Variants in ATP8A2 observed in about 807,000 individuals in gnomAD.
ATP8A2 encodes the protein phospholipid-transporting ATPase IB.
In ATP8A2, 100 loss-of-function variants were observed where a neutral mutation model predicts 165.6. The ratio of observed to expected loss-of-function variants is 0.60; its 90% CI spans 0.51 to 0.71. ATP8A2 has a LOEUF of 0.71. ATP8A2 is among the 30% of genes least tolerant of loss of function. ATP8A2 has a pLI of 0.00. For synonymous variants in ATP8A2, 543 were observed against 548.8 expected (o/e 0.99, Z 0.15); for missense variants, 1,227 against 1,479.5 (o/e 0.83, Z 2.80).
At chr13:25,802,229 A>G (rs1950636810) in intron 27 of ATP8A2, among the ~76,000 whole-genome samples, 1 of 152,202 alleles carries the variant, frequency 6.6e-6, no homozygotes, top group African/African-American at 2.4e-5. Flanking sequence ...AAATATGAAC[A>G]ATGAGTAATG....
At chr13:25,945,268 C>T (rs1163164539) in intron 33 of ATP8A2, among the ~76,000 whole-genome samples, 1 of 148,364 alleles carries the variant, frequency 6.7e-6, no homozygotes, top group Non-Finnish European at 1.5e-5. Context: ...GCACCTCATT[C>T]TGTCAAATGC....
chr13:25,886,178 T>TTG (rs1953146882), intron 33 of ATP8A2, among the ~76,000 whole-genome samples: 1 of 152,204 alleles, frequency 6.6e-6, no homozygotes, highest in Non-Finnish European at 1.5e-5. Flanking sequence ...GTATATATAT[T>TTG]TATGTATCTG....
intron 24 of ATP8A2, among the ~76,000 whole-genome samples, chr13:25,613,744 T>G (rs887089070): frequency 1.3e-5 from 2 of 152,228 alleles, no homozygotes; most frequent in Non-Finnish European, 2.9e-5. Context: ...TTGTCTTGTT[T>G]AAGGAGCTAA....
Position 25,531,449 on chromosome 13 carries a change from ATATATGAT to A in ATP8A2, c.420+795_420+802del, listed in dbSNP as rs1365454256. ...TATATATGATTATATATATGATTATATATATGATTATATATATGTTATATATATATGTT... is the reference window on the plus strand; with the variant it reads ...TATATATGATTATATATATGATTATATATATATATGTTATATATATATGTT... On this transcript the variant is annotated intron_variant, in intron 4 of 36. Coordinates refer to ENST00000381655, the MANE Select transcript of ATP8A2 (RefSeq NM_016529.6). Among the ~76,000 whole-genome samples, 86 of 32,876 alleles carry A rather than the reference ATATATGAT, an allele frequency of 2.6e-3. 1 individual carries two copies. The highest frequency in any genetic ancestry group is 9.5e-3 in the African/African-American group (63 of 6,634). 21.6% of individuals were successfully genotyped at this position (32,876 alleles called of 152,430 possible). A position where few individuals can be genotyped will look rare whatever the true frequency, so the allele number is the denominator to read the frequency against.
At chr13:25,512,991 G>T (rs1213634734) in intron 2 of ATP8A2, among the ~76,000 whole-genome samples, 19 of 131,318 alleles carry the variant, frequency 1.4e-4, no homozygotes, top group Non-Finnish European at 2.2e-4. Flanking sequence ...CGGACGGGGT[G>T]GCTGGCCGGG....
intron 27 of ATP8A2, among the ~76,000 whole-genome samples, chr13:25,794,117 C>G (rs1950448506): frequency 6.6e-6 from 1 of 152,178 alleles, no homozygotes; most frequent in African/African-American, 2.4e-5. Context: ...CAGAGGCTCT[C>G]AAGGAGTTTG....
chr13:25,547,880 C>T (rs1431155649), intron 10 of ATP8A2, among the ~76,000 whole-genome samples: 3 of 152,126 alleles, frequency 2.0e-5, no homozygotes, highest in Non-Finnish European at 4.4e-5. Context: ...CTGGGTTCTT[C>T]AAGAATTTTA....
chr13:25,788,947 C>CT (rs1593348303), intron 27 of ATP8A2, among the ~76,000 whole-genome samples: 1 of 152,158 alleles, frequency 6.6e-6, no homozygotes. Flanking sequence ...AGATGCTTTG[C>CT]TTGAGTTACA....
intron 18 of ATP8A2, among the ~76,000 whole-genome samples, chr13:25,573,588 A>G (rs1351322325): frequency 6.6e-6 from 1 of 152,228 alleles, no homozygotes; most frequent in African/African-American, 2.4e-5. Context: ...AAATTCCTAC[A>G]TATTTACATG....
intron 24 of ATP8A2, among the ~76,000 whole-genome samples, chr13:25,594,254 A>G (rs1454013018): frequency 6.6e-6 from 1 of 152,204 alleles, no homozygotes; most frequent in East Asian, 1.9e-4. Context: ...TGAATGATAA[A>G]TGTCTTTGAT....
intron 33 of ATP8A2, among the ~76,000 whole-genome samples, chr13:25,889,541 G>C (rs957074878): frequency 2.6e-5 from 4 of 151,744 alleles, no homozygotes; most frequent in African/African-American, 9.7e-5. Context: ...ATTATCTGAG[G>C]CTTGGTATAG....
At chr13:25,749,747 T>C (rs552851859) in intron 25 of ATP8A2, among the ~76,000 whole-genome samples, 1 of 152,328 alleles carries the variant, frequency 6.6e-6, no homozygotes, top group South Asian at 2.1e-4. Context: ...CGATTTTCTT[T>C]AAAACTGGAA....
rs71080217 is a variant in ATP8A2 at position 26,025,116 on chromosome 13, C to CAAAAAAA, written c.*5146_*5152dup. 72 of 94,510 alleles carry CAAAAAAA rather than the reference C, an allele frequency of 7.6e-4. No individual in the cohort carries two copies. The highest frequency in any genetic ancestry group is 9.7e-4 in the Non-Finnish European group (47 of 48,232). 5.9% of individuals were successfully genotyped at this position (94,510 alleles called of 1,614,324 possible). A position where few individuals can be genotyped will look rare whatever the true frequency, so the allele number is the denominator to read the frequency against. On this transcript the variant is annotated 3_prime_UTR_variant, in exon 37 of 37. Transcript: ENST00000381655. ...GTGAATCAATAAACACCAACAACAACAAAAAAAAAAAAAAAAAAAAAGGAA... is the reference window on the plus strand; with the variant it reads ...GTGAATCAATAAACACCAACAACAACAAAAAAAAAAAAAAAAAAAAAAAAAAAAGGAA...
At chr13:25,724,439 T>C (rs2043450568) in intron 25 of ATP8A2, among the ~76,000 whole-genome samples, 1 of 152,182 alleles carries the variant, frequency 6.6e-6, no homozygotes, top group South Asian at 2.1e-4. Flanking sequence ...TTCCCAATGT[T>C]GAATTGTGAA....
rs545695788 is a variant in ATP8A2 at position 25,812,937 on chromosome 13, G to A, written c.2680-15181G>A. 1.2e-3 allele frequency among the ~76,000 whole-genome samples: 188 copies of A among 152,246 alleles called. 4 individuals carry two copies. In the South Asian group the frequency reaches 0.031, roughly 25 times the overall value. ...AGATCATGTCCTTTGCAGGGACATGGATGGAACTGGAAGCCATTACCCTCA... is the reference window on the plus strand; with the variant it reads ...AGATCATGTCCTTTGCAGGGACATGAATGGAACTGGAAGCCATTACCCTCA... On this transcript the variant is annotated intron_variant, in intron 27 of 36. Coordinates refer to ENST00000381655, the MANE Select transcript of ATP8A2 (RefSeq NM_016529.6).
intron 35 of ATP8A2, among the ~76,000 whole-genome samples, chr13:25,988,013 A>C (rs544431513): frequency 6.6e-6 from 1 of 152,354 alleles, no homozygotes; most frequent in East Asian, 1.9e-4. Context: ...AGAAGTTTTC[A>C]TATATTTAGC....
intron 1 of ATP8A2, among the ~76,000 whole-genome samples, chr13:25,432,586 T>TC (rs2034645941): frequency 6.6e-6 from 1 of 152,114 alleles, no homozygotes; most frequent in African/African-American, 2.4e-5. Context: ...GGCTCAGAGC[T>TC]CCTAGGCAAG....
At position 25,953,205 on chromosome 13, in the gene ATP8A2, T is replaced by C. The variant is rs1026468992; in HGVS notation, c.3184-8370T>C. On this transcript the variant is annotated intron_variant, in intron 33 of 36. Coordinates refer to ENST00000381655, the MANE Select transcript of ATP8A2 (RefSeq NM_016529.6). This position sits in a 1 kb window ranked among gnomAD's most constrained non-coding sequence, Gnocchi z 6.7. ...CGTCTTTTAACTTTACAAGTGCTCC[T>C]CATTTTCTTTTACTTACAATTTGAA... Among the ~76,000 whole-genome samples the C allele has an allele frequency of 6.6e-6, 1 of 152,178 alleles. No homozygotes were observed. Among genetic ancestry groups the C allele is most frequent in the African/African-American group, 2.4e-5 (1 of 41,428 alleles).
intron 33 of ATP8A2, among the ~76,000 whole-genome samples, chr13:25,887,161 G>T (rs761163399): frequency 1.3e-5 from 2 of 152,130 alleles, no homozygotes; most frequent in Non-Finnish European, 2.9e-5. Flanking sequence ...TCTGCTAAGT[G>T]TCTGGGGTTT....
Sources: allele counts gnomAD v4.1 joint callset (sites outside exome capture counted in the v4.1 genomes callset), GRCh38; gene constraint gnomAD v4.1.1; non-coding constraint Gnocchi (gnomAD v3.1); transcripts MANE v1.5; gene names NCBI Gene and HGNC (gene_info 2026-07-23, HGNC 2026-07-21).